FOXP1: variants seen among roughly 807,000 people sequenced by gnomAD.
FOXP1 encodes forkhead box P1.
FOXP1 carries 15 observed loss-of-function variants against 98.2 expected under a neutral mutation model. The ratio of observed to expected loss-of-function variants is 0.15; its 90% CI spans 0.10 to 0.24. The LOEUF (loss-of-function observed/expected upper bound fraction) is 0.24, where lower values mean the gene tolerates loss of function less well. Ranked by LOEUF, FOXP1 falls within the 10% of genes least tolerant of loss-of-function variation. The pLI is 1.00. For synonymous variants in FOXP1, 371 were observed against 314.5 expected (o/e 1.18, Z -1.90); for missense variants, 633 against 848.5 (o/e 0.75, Z 3.15).
intron 2 of FOXP1, among the ~76,000 whole-genome samples, chr3:71,561,614 G>C (rs772866224): frequency 6.6e-6 from 1 of 152,132 alleles, no homozygotes. Flanking sequence ...TGTCAGGATA[G>C]AATGAATTAC....
chr3:71,086,077 T>C (rs1320498502), intron 7 of FOXP1, among the ~76,000 whole-genome samples: 3 of 152,178 alleles, frequency 2.0e-5, no homozygotes, highest in African/African-American at 4.8e-5. Flanking sequence ...CCCAAGGTCA[T>C]GGTGGCAGGT....
chr3:70,978,439 A>G (rs926571862), intron 14 of FOXP1, among the ~76,000 whole-genome samples: 2 of 152,232 alleles, frequency 1.3e-5, no homozygotes, highest in Admixed American at 1.3e-4. Flanking sequence ...AGGTGACACC[A>G]GTTGGGATAC....
rs71120316 is a variant in FOXP1 at position 71,345,871 on chromosome 3, T to TAAAA, written c.-73+13275_-73+13278dup. Among the ~76,000 whole-genome samples, 28 of 55,096 alleles carry TAAAA rather than the reference T, an allele frequency of 5.1e-4. 2 individuals carry two copies. The highest frequency in any genetic ancestry group is 1.9e-3 in the South Asian group (2 of 1,056). 36.1% of individuals were successfully genotyped at this position (55,096 alleles called of 152,430 possible). A position where few individuals can be genotyped will look rare whatever the true frequency, so the allele number is the denominator to read the frequency against. ...AGGTTTGAAATCAATAAAGTTTTTG[T>TAAAA]AAAAAAAAAAAAAAAAAAAAAAAAA... On this transcript the variant is annotated intron_variant, in intron 4 of 20. Transcript: ENST00000649528.
chr3:71,242,032 A>C (rs1207836234), intron 5 of FOXP1, among the ~76,000 whole-genome samples: 2 of 152,222 alleles, frequency 1.3e-5, no homozygotes, highest in Admixed American at 1.3e-4. Flanking sequence ...TCAGGTAATA[A>C]AACATTCTAT....
At chr3:70,978,140 A>C in intron 14 of FOXP1, 111 bp from the exon 15 acceptor site, 1 of 832,780 alleles carries the variant, frequency 1.2e-6, no homozygotes, top group Non-Finnish European at 2.0e-6. Context: ...TTCTTCCTCT[A>C]TGTAGATGGT....
chr3:71,467,099 A>C (rs886207129), intron 3 of FOXP1, among the ~76,000 whole-genome samples: 2 of 152,194 alleles, frequency 1.3e-5, no homozygotes, highest in Non-Finnish European at 2.9e-5. Context: ...AGAAAAAGGA[A>C]ACATTATTAT....
rs554988266 is a variant in FOXP1 at position 71,110,171 on chromosome 3, C to A, written c.282+2365G>T. Among the ~76,000 whole-genome samples, 4 of 152,234 alleles carry A rather than the reference C, an allele frequency of 2.6e-5. No homozygotes were observed. The East Asian group carries it at 7.7e-4, about 29-fold the overall frequency. On this transcript the variant is annotated intron_variant, in intron 7 of 20. Coordinates refer to ENST00000649528, the MANE Select transcript of FOXP1 (RefSeq NM_001349338.3). ...AGAAAAAGAGCCCTCAAAAGGAAAT[C>A]CCCTGAAACTTTACTTCTTATATTT...
rs550258357 is a variant in FOXP1 at position 71,118,028 on chromosome 3, C to T, written c.181-5391G>A. Reference sequence around the variant, plus strand: ...GGTGGCAGGCACGCATCACTTTCATCTCTTCTGTGGATTGACTAGTCTCCC... The same window carrying T: ...GGTGGCAGGCACGCATCACTTTCATTTCTTCTGTGGATTGACTAGTCTCCC... On this transcript the variant is annotated intron_variant, in intron 6 of 20. Coordinates refer to ENST00000649528, the MANE Select transcript of FOXP1 (RefSeq NM_001349338.3). 5.3e-4 allele frequency among the ~76,000 whole-genome samples: 80 copies of T among 152,292 alleles called. 1 individual carries two copies. The highest frequency in any genetic ancestry group is 1.5e-3 in the Admixed American group (23 of 15,306).
chr3:71,045,545 C>T (rs2048907423), intron 10 of FOXP1, among the ~76,000 whole-genome samples: 1 of 152,074 alleles, frequency 6.6e-6, no homozygotes, highest in Admixed American at 6.6e-5. Flanking sequence ...AACTGATGTA[C>T]ATATATATAT....
intron 20 of FOXP1, among the ~76,000 whole-genome samples, chr3:70,963,625 C>T (rs2034081989): frequency 6.6e-6 from 1 of 152,224 alleles, no homozygotes; most frequent in South Asian, 2.1e-4. Context: ...CTTCTCCTTA[C>T]ATCTGAGTAA....
intron 7 of FOXP1, among the ~76,000 whole-genome samples, chr3:71,097,865 G>T (rs1222344327): frequency 1.3e-5 from 2 of 152,144 alleles, no homozygotes. Context: ...CAAGCACCGA[G>T]CATCTTTGAA....
At chr3:70,988,235 T>G (rs577110585) in intron 13 of FOXP1, among the ~76,000 whole-genome samples, 158 bp from the exon 14 acceptor site, 1 of 152,312 alleles carries the variant, frequency 6.6e-6, no homozygotes, top group Non-Finnish European at 1.5e-5. Flanking sequence ...ATTGCCAAAC[T>G]CGAAGTAACC....
At chr3:71,434,649 T>TGTGTGG (rs1162592899) in intron 3 of FOXP1, among the ~76,000 whole-genome samples, 7 of 151,592 alleles carry the variant, frequency 4.6e-5, no homozygotes, top group Non-Finnish European at 1.0e-4. Context: ...TGTGTGTGTG[T>TGTGTGG]GTGTGTGTGT....
In FOXP1 at chr3:70,956,415, C is replaced by CT. The variant is rs112098084; in HGVS notation, c.*2831dup. ...CAAAGATATGTAAAATCTAATTTTTCTTTTTTTTTTTTTTTTGCTACAGTC... is the reference window on the plus strand; with the variant it reads ...CAAAGATATGTAAAATCTAATTTTTCTTTTTTTTTTTTTTTTTGCTACAGTC... On this transcript the variant is annotated 3_prime_UTR_variant, in exon 21 of 21. Transcript: ENST00000649528. 0.14 allele frequency: 25,652 copies of CT among 185,698 alleles called. 1,571 individuals carry two copies. Among genetic ancestry groups the CT allele is most frequent in the Middle Eastern group, 0.19 (117 of 626 alleles). 11.5% of individuals were successfully genotyped at this position (185,698 alleles called of 1,614,324 possible). A position where few individuals can be genotyped will look rare whatever the true frequency, so the allele number is the denominator to read the frequency against.
intron 3 of FOXP1, among the ~76,000 whole-genome samples, chr3:71,385,898 G>A (rs1037609456): frequency 6.6e-6 from 1 of 151,956 alleles, no homozygotes; most frequent in African/African-American, 2.4e-5. Context: ...GACTATCTTC[G>A]TAACCTCTAG....
At chr3:71,467,508 A>ACTTC (rs2088893381) in intron 3 of FOXP1, among the ~76,000 whole-genome samples, 1 of 152,198 alleles carries the variant, frequency 6.6e-6, no homozygotes, top group Non-Finnish European at 1.5e-5. Context: ...TTATCCAGGG[A>ACTTC]CTTCCTCCTT....
intron 3 of FOXP1, among the ~76,000 whole-genome samples, chr3:71,386,382 C>G (rs542433147): frequency 6.6e-6 from 1 of 152,160 alleles, no homozygotes; most frequent in Non-Finnish European, 1.5e-5. Flanking sequence ...CTGACCATTG[C>G]GTGCCCAGGG....
intron 5 of FOXP1, among the ~76,000 whole-genome samples, chr3:71,206,319 C>T (rs1176861949): frequency 6.6e-6 from 1 of 152,112 alleles, no homozygotes; most frequent in African/African-American, 2.4e-5. Flanking sequence ...AAGTAACAAG[C>T]CATTAATTAA....
intron 3 of FOXP1, among the ~76,000 whole-genome samples, chr3:71,456,880 G>C (rs2087565156): frequency 6.6e-6 from 1 of 151,400 alleles, no homozygotes. Context: ...AAGAGTGTTA[G>C]CAGGTTATTG....
Sources: allele counts gnomAD v4.1 joint callset (sites outside exome capture counted in the v4.1 genomes callset), GRCh38; gene constraint gnomAD v4.1.1; transcripts MANE v1.5; gene names NCBI Gene and HGNC (gene_info 2026-07-23, HGNC 2026-07-21).